SMG1: variants seen among roughly 807,000 people sequenced by gnomAD.
SMG1 encodes SMG1 nonsense mediated mRNA decay associated PI3K related kinase, also known as serine/threonine-protein kinase SMG1.
SMG1 carries 22 observed loss-of-function variants against 419.9 expected under a neutral mutation model. The ratio of observed to expected loss-of-function variants is 0.05; its 90% CI spans 0.04 to 0.07. SMG1 has a LOEUF of 0.07. Ranked by LOEUF, SMG1 falls within the 10% of genes least tolerant of loss-of-function variation. The pLI, the probability that SMG1 is intolerant of heterozygous loss-of-function variation, is 1.00. For missense variants in SMG1, 3,185 were observed against 4,342.0 expected (o/e 0.73, Z 7.49); for synonymous variants, 1,538 against 1,553.5 (o/e 0.99, Z 0.23).
At chr16:18,873,465 G>GC (rs948201075) in intron 13 of SMG1, among the ~76,000 whole-genome samples, 3 of 152,112 alleles carry the variant, frequency 2.0e-5, no homozygotes, top group African/African-American at 4.8e-5. Context: ...CAGGTGATCT[G>GC]CCCCCCTCGG....
In SMG1 at chr16:18,848,027, T is replaced by G. The variant is rs769869952; in HGVS notation, c.5630A>C (p.Lys1877Thr). The change falls in exon 37 of 63, where the codon AAA becomes ACA. Residue 1877 changes from lysine to threonine, a missense_variant. Physicochemically the swap from Lys to Thr is moderately conservative, Grantham distance 78. Around this residue, in one of 27 missense-constraint regions of SMG1, gnomAD observed 130 missense variants for 162.0 expected, o/e 0.80. Transcript: ENST00000446231. ...LSSESQASGN[K>T]FSTAIPTLLG... ...TAAAGTTGGAATTGCAGTGGAAAAT[T>G]TATTTCCTGTAATGAAATAGGAGAA... 5 of 1,611,868 alleles carry G rather than the reference T, an allele frequency of 3.1e-6. No homozygotes were observed. The highest frequency in any genetic ancestry group is 1.1e-5 in the South Asian group (1 of 91,042).
rs764993451 is a variant in SMG1, at chr16:18,812,086, T to C, written c.10663A>G (p.Met3555Val). 2.5e-6 allele frequency: 4 copies of C among 1,613,902 alleles called. No individual in the cohort carries two copies. Among genetic ancestry groups the C allele is most frequent in the South Asian group, 1.1e-5 (1 of 91,082 alleles). Residue 3555 changes from methionine (M) to valine (V), a missense_variant, in exon 61 of 63, where the codon ATG becomes GTG. Physicochemically the swap from Met to Val is conservative, Grantham distance 21. Coordinates refer to ENST00000446231, the MANE Select transcript of SMG1 (RefSeq NM_015092.5). ...NTGQKTQPDV[M>V]SQNARKLIQK... ...ATCAGCTTTCTAGCATTCTGTGACATGACATCAGGCTGAGTCTTCTGGCCA... is the reference window on the plus strand; with the variant it reads ...ATCAGCTTTCTAGCATTCTGTGACACGACATCAGGCTGAGTCTTCTGGCCA...
intron 13 of SMG1, among the ~76,000 whole-genome samples, chr16:18,874,626 G>A (rs1375615856): frequency 2.0e-5 from 3 of 147,742 alleles, no homozygotes; most frequent in Non-Finnish European, 3.0e-5. Context: ...AGCACTTTGG[G>A]AGGCTGAGGC....
At position 18,850,045 on chromosome 16, in the gene SMG1, T is replaced by C; in HGVS notation, c.5365A>G (p.Thr1789Ala). Residue 1789 changes from threonine to alanine, a missense_variant, in exon 35 of 63, where the codon ACA becomes GCA. Thr to Ala is a moderately conservative substitution (Grantham distance 58). This residue lies in a region of SMG1 where 493 missense variants were observed against 552.9 expected (regional missense o/e 0.89). Coordinates refer to ENST00000446231, the MANE Select transcript of SMG1 (RefSeq NM_015092.5). ...QSTDDMIVMATLRLLRLLVKH... is the reference protein window; with the variant it reads ...QSTDDMIVMAALRLLRLLVKH... ...ACGAGCAACCGCAGCAGGCGCAATG[T>C]GGCCATCACAATCATGTCATCAGTG... 1 of 1,614,028 alleles carries C rather than the reference T, an allele frequency of 6.2e-7. No individual in the cohort carries two copies. Among genetic ancestry groups the C allele is most frequent in the Non-Finnish European group, 8.5e-7 (1 of 1,179,900 alleles).
chr16:18,809,675 A>G, intron 62 of SMG1, 29 bp from the exon 63 acceptor site: 1 of 1,518,980 alleles, frequency 6.6e-7, no homozygotes, highest in Admixed American at 1.9e-5. Flanking sequence ...TAGTATGTAA[A>G]GTCATTTAAA....
chr16:18,919,516 C>A (rs1359467013), intron 1 of SMG1, among the ~76,000 whole-genome samples: 1 of 151,658 alleles, frequency 6.6e-6, no homozygotes, highest in Non-Finnish European at 1.5e-5. Context: ...CCCAGCTACT[C>A]AGGAGGATGA....
intron 1 of SMG1, among the ~76,000 whole-genome samples, chr16:18,907,826 T>C (rs1484953966): frequency 2.7e-5 from 3 of 111,960 alleles, no homozygotes; most frequent in African/African-American, 3.6e-5. Context: ...CATTCCCACC[T>C]AGGCGACAGA....
chr16:18,812,528 G>A (rs1042872120), intron 60 of SMG1, among the ~76,000 whole-genome samples: 5 of 150,834 alleles, frequency 3.3e-5, no homozygotes, highest in East Asian at 1.9e-4. Flanking sequence ...GGGTATCCAC[G>A]TGTTAATCTT....
Position 18,850,460 on chromosome 16 carries a change from T to C in SMG1, c.5060A>G (p.Asp1687Gly), listed in dbSNP as rs2034527082. Residue 1687 changes from aspartate (D) to glycine (G), a missense_variant, in exon 34 of 63, where the codon GAT (aspartate) becomes GGT (glycine). By Grantham distance (94) the Asp-to-Gly change is moderately conservative. Coordinates refer to ENST00000446231, the MANE Select transcript of SMG1 (RefSeq NM_015092.5). ...VCRPAGIQDE[D>G]ITLQITESED... ...ACTCTCAGTTATCTGAAGTGTTATA[T>C]CTTCATCCTGAAGAAAAATTGTGCA... The C allele has an allele frequency of 1.9e-6, 3 of 1,602,790 alleles. No individual in the cohort carries two copies. Among genetic ancestry groups the C allele is most frequent in the Non-Finnish European group, 2.6e-6 (3 of 1,172,098 alleles).
At chr16:18,905,864 G>A (rs562416506) in intron 1 of SMG1, among the ~76,000 whole-genome samples, 6 of 152,030 alleles carry the variant, frequency 3.9e-5, no homozygotes, top group African/African-American at 1.2e-4. Flanking sequence ...CAGCCGCCTC[G>A]GCCTCCCAAA....
In SMG1 at chr16:18,838,176, A is replaced by G; in HGVS notation, c.7251T>C (p.Phe2417=). Residue 2417 remains phenylalanine, a synonymous_variant, in exon 45 of 63, where the codon TTT becomes TTC. Transcript: ENST00000446231. ...RETLLTLLEA[F]VYDPLVDWTA... is the part of the protein sequence containing the mutation. ...TCCAGTCCACCAGAGGGTCGTACAC[A>G]AAGGCCTCCAGCAGCGTCAGCAGGG... The G allele has an allele frequency of 6.2e-7, 1 of 1,613,294 alleles. No homozygotes were observed. Among genetic ancestry groups the G allele is most frequent in the Non-Finnish European group, 8.5e-7 (1 of 1,179,548 alleles).
chr16:18,851,925 T>C, intron 33 of SMG1, 142 bp downstream of exon 33: 1 of 875,388 alleles, frequency 1.1e-6, no homozygotes. Context: ...ATAACTCACT[T>C]TCATCTTAAA....
intron 22 of SMG1, among the ~76,000 whole-genome samples, chr16:18,867,402 C>T (rs1358298427): frequency 2.0e-5 from 3 of 151,802 alleles, no homozygotes; most frequent in African/African-American, 7.3e-5. Context: ...AGTATGGTGG[C>T]GGGTGCCTGT....
rs958825312 is a variant in SMG1, at chr16:18,892,347, C to A, written c.420G>T (p.Ser140=). The A allele has an allele frequency of 3.0e-5, 47 of 1,548,878 alleles. No individual in the cohort carries two copies. Among genetic ancestry groups the A allele is most frequent in the Middle Eastern group, 2.3e-4 (1 of 4,374 alleles). ...TKDMRKSQER[S]MSYSDESRLS... is the part of the protein sequence containing the mutation. Reference sequence around the variant, plus strand: ...GTCGAGACTCATCAGAATAAGACATCGATCTCTCTGTGAATATATAAACAT... The same window carrying A: ...GTCGAGACTCATCAGAATAAGACATAGATCTCTCTGTGAATATATAAACAT... Residue 140 remains serine (S), a synonymous_variant, in exon 4 of 63, where the codon TCG becomes TCT. Transcript: ENST00000446231.
intron 1 of SMG1, among the ~76,000 whole-genome samples, chr16:18,924,041 C>T (rs2038297067): frequency 6.6e-6 from 1 of 152,190 alleles, no homozygotes; most frequent in Non-Finnish European, 1.5e-5. Context: ...TCCTAACAAA[C>T]TGTTACTCCC....
At chr16:18,842,568 T>C in intron 39 of SMG1, 114 bp from the exon 40 acceptor site, 1 of 1,040,190 alleles carries the variant, frequency 9.6e-7, no homozygotes, top group Admixed American at 2.3e-5. Context: ...CTCATGCCTG[T>C]AATCCCAGCA....
At chr16:18,834,183 A>T in intron 50 of SMG1, 21 bp downstream of exon 50, 1 of 1,508,228 alleles carries the variant, frequency 6.6e-7, no homozygotes, top group African/African-American at 1.4e-5. Context: ...ACAAACTAAT[A>T]TTTAAAATAA....
rs200260800 is a variant in SMG1, at chr16:18,829,691, G to A, written c.9198C>T (p.Thr3066=). 2.4e-4 allele frequency: 381 copies of A among 1,613,826 alleles called. No individual in the cohort carries two copies. The African/African-American group carries it at 4.6e-3, about 20-fold the overall frequency. ...CACTGAAACAAGAGTTTCTAAAAAG[G>A]GTTTTCACATTGACAATCTGTACAG... ...NGPVQIVNVK[T]LFRNSCFSED... The change falls in exon 54 of 63, where the codon ACC becomes ACT. Residue 3066 remains threonine, a synonymous_variant. Transcript: ENST00000446231.
At chr16:18,812,647 T>TATACACATACAC (rs67600193) in intron 60 of SMG1, among the ~76,000 whole-genome samples, 2 of 127,658 alleles carry the variant, frequency 1.6e-5, no homozygotes, top group African/African-American at 5.2e-5. Context: ...TATACACATA[T>TATACACATACAC]ACACACACAC....
Sources: allele counts gnomAD v4.1 joint callset (sites outside exome capture counted in the v4.1 genomes callset), GRCh38; gene constraint gnomAD v4.1.1; regional missense constraint gnomAD v4.1.1; transcripts MANE v1.5; gene names NCBI Gene and HGNC (gene_info 2026-07-23, HGNC 2026-07-21).